TIMM17A: variants seen among roughly 807,000 people sequenced by gnomAD.
TIMM17A encodes the protein translocase of inner mitochondrial membrane 17A, also known as mitochondrial import inner membrane translocase subunit Tim17-A.
In TIMM17A, 15 loss-of-function variants were observed where a neutral mutation model predicts 26.5. The observed-to-expected ratio is 0.57, with a 90% confidence interval of 0.38 to 0.87. TIMM17A has a LOEUF of 0.87. Among genes scored for constraint, TIMM17A ranks in the 40% least tolerant of loss-of-function variants. The probability of loss-of-function intolerance (pLI) is 0.00; values close to 1 mark genes in which losing one functional copy is unlikely to be tolerated. For missense variants in TIMM17A, 201 were observed against 210.0 expected (o/e 0.96, Z 0.27); for synonymous variants, 80 against 70.8 (o/e 1.13, Z -0.66).
At position 201,969,500 on chromosome 1, in the gene TIMM17A, G is replaced by A. The variant is rs773400159; in HGVS notation, c.462G>A (p.Leu154=). The part of the protein sequence containing the change: ...GPQFAEDPSQ[L]PSTQLPSSPF... ...AGTTTGCAGAAGACCCCTCCCAGTT[G>A]CCTTCAACTCAGTTACCTTCCTCAC... Residue 154 remains leucine (L), a synonymous_variant, in exon 6 of 6, where the codon TTG becomes TTA. Coordinates refer to ENST00000367287, the MANE Select transcript of TIMM17A (RefSeq NM_006335.3). 6.2e-7 allele frequency: 1 copy of A among 1,613,890 alleles called. No individual in the cohort carries two copies. The highest frequency in any genetic ancestry group is 1.1e-5 in the South Asian group (1 of 91,064).
intron 5 of TIMM17A, among the ~76,000 whole-genome samples, chr1:201,968,743 A>T (rs1305339075): frequency 1.3e-5 from 2 of 152,120 alleles, no homozygotes; most frequent in Non-Finnish European, 2.9e-5. Context: ...ATTTATAGTG[A>T]AGTAAAAATA....
At chr1:201,965,665 A>G in intron 5 of TIMM17A, 122 bp downstream of exon 5, 1 of 711,602 alleles carries the variant, frequency 1.4e-6, no homozygotes, top group Non-Finnish European at 2.4e-6. Context: ...GTTCATGAGG[A>G]CTGTGATAAT....
At position 201,955,514 on chromosome 1, in the gene TIMM17A, C is replaced by G; in HGVS notation, c.-13C>G. ...CCAGCTTGCCCGGCATCACTCGCGG[C>G]ATTGGAGTCAAGATGGAGGAGTACG... On this transcript the variant is annotated 5_prime_UTR_variant, in exon 1 of 6. Transcript: ENST00000367287. The G allele has an allele frequency of 6.2e-7, 1 of 1,614,258 alleles. No individual in the cohort carries two copies. The highest frequency in any genetic ancestry group is 8.5e-7 in the Non-Finnish European group (1 of 1,180,050).
chr1:201,958,818 T>C (rs1421056168), intron 3 of TIMM17A, among the ~76,000 whole-genome samples: 1 of 152,232 alleles, frequency 6.6e-6, no homozygotes, highest in Non-Finnish European at 1.5e-5. Flanking sequence ...ATCTTCTCTT[T>C]GCTTTTCTTA....
chr1:201,957,425 G>T, intron 2 of TIMM17A, 45 bp downstream of exon 2: 2 of 1,591,034 alleles, frequency 1.3e-6, no homozygotes, highest in Non-Finnish European at 1.7e-6. Context: ...TGCAACTTGG[G>T]TTTGATGATA....
At position 201,970,338 on chromosome 1, in the gene TIMM17A, TG is replaced by T. The variant is rs1157307506; in HGVS notation, c.*785del. ...GTATGCTTGAAAATAAAGTATGTAC[TG>T]TTTTGAATGTGTTCCAAGTCCTCTG... On this transcript the variant is annotated 3_prime_UTR_variant, in exon 6 of 6. Transcript: ENST00000367287. 6.6e-6 allele frequency: 1 copy of T among 152,268 alleles called. No individual in the cohort carries two copies. Among genetic ancestry groups the T allele is most frequent in the Non-Finnish European group, 1.5e-5 (1 of 68,074 alleles). 9.4% of individuals were successfully genotyped at this position (152,268 alleles called of 1,614,324 possible).
intron 5 of TIMM17A, 66 bp from the exon 6 acceptor site, chr1:201,969,403 G>GA: frequency 7.9e-7 from 1 of 1,272,346 alleles, no homozygotes; most frequent in South Asian, 1.3e-5. Context: ...TCTCTATAGA[G>GA]ATTTGTTCTT....
In TIMM17A at chr1:201,969,827, A is replaced by G. The variant is rs533421080; in HGVS notation, c.*273A>G. 84 of 246,314 alleles carry G rather than the reference A, an allele frequency of 3.4e-4. 1 individual carries two copies. The South Asian group carries it at 5.6e-3, about 16-fold the overall frequency. The allele number at this position is 246,314 out of a possible 1,614,324, so 15.3% of individuals were successfully genotyped here. A position where few individuals can be genotyped will look rare whatever the true frequency, so the allele number is the denominator to read the frequency against. On this transcript the variant is annotated 3_prime_UTR_variant, in exon 6 of 6. Coordinates refer to ENST00000367287, the MANE Select transcript of TIMM17A (RefSeq NM_006335.3). ...AATACAGTAAGTGCTTGAAAGATGA[A>G]GGACCAAAAGGCCAAAAAACAGTGA... is the stretch of plus-strand genomic sequence containing the variant.
At position 201,955,520 on chromosome 1, in the gene TIMM17A, A is replaced by G; in HGVS notation, c.-7A>G. The G allele has an allele frequency of 6.2e-7, 1 of 1,614,208 alleles. No individual in the cohort carries two copies. The highest frequency in any genetic ancestry group is 8.5e-7 in the Non-Finnish European group (1 of 1,180,042). ...TGCCCGGCATCACTCGCGGCATTGG[A>G]GTCAAGATGGAGGAGTACGCGCGAG... On this transcript the variant is annotated 5_prime_UTR_variant, in exon 1 of 6. Transcript: ENST00000367287.
At chr1:201,964,225 A>G (rs968521363) in intron 4 of TIMM17A, among the ~76,000 whole-genome samples, 2 of 152,216 alleles carry the variant, frequency 1.3e-5, no homozygotes, top group Non-Finnish European at 1.5e-5. Context: ...TCTAACCCAT[A>G]TATTACAGTG....
chr1:201,969,536 C>T lies in TIMM17A; in HGVS notation c.498C>T (p.Asp166=), dbSNP rs138043376. The change falls in exon 6 of 6, where the codon GAC becomes GAT. Residue 166 remains aspartate (D), a synonymous_variant. Coordinates refer to ENST00000367287, the MANE Select transcript of TIMM17A (RefSeq NM_006335.3). ...AGTTACCTTCCTCACCTTTTGGAGA[C>T]TATCGACAATATCAGTAGGACTTCT... The part of the protein sequence containing the change: ...STQLPSSPFG[D]YRQYQ 1.0e-4 allele frequency: 166 copies of T among 1,613,660 alleles called. 1 individual carries two copies. The highest frequency in any genetic ancestry group is 2.5e-5 in the Non-Finnish European group (29 of 1,179,754).
intron 5 of TIMM17A, among the ~76,000 whole-genome samples, chr1:201,968,889 T>A (rs1463205247): frequency 3.3e-5 from 5 of 151,972 alleles, no homozygotes; most frequent in African/African-American, 7.2e-5. Context: ...AGTCTTTTTT[T>A]TTTTTTTAAG....
At chr1:201,957,176 G>C (rs1156373041) in intron 1 of TIMM17A, 105 bp from the exon 2 acceptor site, 10 of 695,608 alleles carry the variant, frequency 1.4e-5, no homozygotes. Context: ...GTTGCAGTGG[G>C]CCCTGCAGTA....
Position 201,957,581 on chromosome 1 carries a change from A to G in TIMM17A, c.190+7A>G, listed in dbSNP as rs1682439339. ...AGGGCTCCACAGTTAGGAGGTAAGC[A>G]GAATTTTCATTTTAACTGAACTATT... On this transcript the variant is annotated splice_region_variant and intron_variant, in intron 3 of 5. Transcript: ENST00000367287. 1.2e-6 allele frequency: 2 copies of G among 1,607,652 alleles called. No homozygotes were observed. Among genetic ancestry groups the G allele is most frequent in the Non-Finnish European group, 1.7e-6 (2 of 1,177,866 alleles).
chr1:201,960,838 T>C (rs899853395), intron 3 of TIMM17A, among the ~76,000 whole-genome samples: 1 of 151,868 alleles, frequency 6.6e-6, no homozygotes, highest in African/African-American at 2.4e-5. Context: ...AACCTCCGCC[T>C]CCCAGGTTCA....
chr1:201,957,254 T>C (rs758942345), intron 1 of TIMM17A, 27 bp from the exon 2 acceptor site: 14 of 1,412,524 alleles, frequency 9.9e-6, no homozygotes, highest in Middle Eastern at 1.8e-4. Flanking sequence ...ATGAGAAATA[T>C]GGTCTTTTTT....
At chr1:201,964,614 T>C (rs1051433063) in intron 4 of TIMM17A, among the ~76,000 whole-genome samples, 4 of 148,670 alleles carry the variant, frequency 2.7e-5, no homozygotes, top group Non-Finnish European at 5.9e-5. Context: ...ACTTTATTTA[T>C]TTATTTATTT....
At chr1:201,967,684 A>T (rs1207260274) in intron 5 of TIMM17A, among the ~76,000 whole-genome samples, 2 of 151,642 alleles carry the variant, frequency 1.3e-5, no homozygotes, top group Non-Finnish European at 2.9e-5. Flanking sequence ...CTGGGACTAT[A>T]GGTGTGCACC....
At chr1:201,963,550 A>G in intron 3 of TIMM17A, 66 bp from the exon 4 acceptor site, 8 of 1,538,818 alleles carry the variant, frequency 5.2e-6, no homozygotes, top group Non-Finnish European at 7.1e-6. Flanking sequence ...GTTTTTGACT[A>G]TAATATTTTA....
Sources: allele counts gnomAD v4.1 joint callset (sites outside exome capture counted in the v4.1 genomes callset), GRCh38; gene constraint gnomAD v4.1.1; transcripts MANE v1.5; gene names NCBI Gene and HGNC (gene_info 2026-07-23, HGNC 2026-07-21).